PDE1C: variants seen among roughly 807,000 people sequenced by gnomAD.
The protein encoded by PDE1C is phosphodiesterase 1C, also known as dual specificity calcium/calmodulin-dependent 3',5'-cyclic nucleotide phosphodiesterase 1C.
Under a neutral mutation model 93.1 loss-of-function variants are expected in PDE1C, and 62 were observed. The ratio of observed to expected loss-of-function variants is 0.67; its 90% CI spans 0.54 to 0.82. PDE1C has a LOEUF of 0.82. Ranked by LOEUF, PDE1C falls within the 40% of genes least tolerant of loss-of-function variation. PDE1C has a pLI of 0.00. For synonymous variants in PDE1C, 325 were observed against 310.1 expected, an observed-to-expected ratio of 1.05 and a Z score of -0.50; for missense variants, 742 against 884.6, an observed-to-expected ratio of 0.84 and a Z score of 2.04.
At chr7:31,746,682 T>C (rs1182258487), downstream of PDE1C, among the ~76,000 whole-genome samples, 1 of 152,198 alleles carries the variant, frequency 6.6e-6, no homozygotes, top group Non-Finnish European at 1.5e-5. Context: ...GTTTTAAACA[T>C]GAGAACACAG....
In PDE1C at chr7:32,341,173, CTTT is replaced by C. The variant is rs3079623; in HGVS notation, c.310+86646_310+86648del. Among the ~76,000 whole-genome samples the C allele has an allele frequency of 2.5e-4, 21 of 84,958 alleles. 1 individual carries two copies. The highest frequency in any genetic ancestry group is 6.9e-4 in the African/African-American group (16 of 23,022). 55.7% of individuals were successfully genotyped at this position (84,958 alleles called of 152,430 possible). On this transcript the variant is annotated intron_variant, in intron 1 of 1. Coordinates refer to the PDE1C transcript ENST00000672256. The stretch of plus-strand genomic sequence containing the variant: ...CCTAAAACTACTCTAGAAATAAAGT[CTTT>C]TTTTTTTTTTTTTTTTTGAGACGGA...
chr7:32,304,495 G>A (rs1052983076), intron 1 of PDE1C, among the ~76,000 whole-genome samples: 1 of 152,180 alleles, frequency 6.6e-6, no homozygotes, highest in African/African-American at 2.4e-5. Flanking sequence ...CTTTCTCTGT[G>A]ATGAGCTTTA....
chr7:31,833,124 T>G (rs763113457), intron 11 of PDE1C, among the ~76,000 whole-genome samples: 23 of 152,190 alleles, frequency 1.5e-4, no homozygotes, highest in African/African-American at 4.6e-4. Context: ...TCTCATGAGA[T>G]CTGATGGTTT....
At chr7:31,919,637 A>C (rs928946745) in intron 2 of PDE1C, among the ~76,000 whole-genome samples, 1 of 152,180 alleles carries the variant, frequency 6.6e-6, no homozygotes, top group African/African-American at 2.4e-5. Flanking sequence ...ACACGTAAAA[A>C]GAAACCAAAA....
At chr7:32,325,627 T>C (rs1229002403) in intron 1 of PDE1C, among the ~76,000 whole-genome samples, 1 of 152,248 alleles carries the variant, frequency 6.6e-6, no homozygotes, top group East Asian at 1.9e-4. Flanking sequence ...CACAGGTATA[T>C]GTAGCCTAAG....
intron 1 of PDE1C, among the ~76,000 whole-genome samples, chr7:32,293,958 A>T (rs1359249257): frequency 6.6e-6 from 1 of 152,132 alleles, no homozygotes; most frequent in East Asian, 1.9e-4. Flanking sequence ...GGGCTCAGAA[A>T]GTCGTCAACC....
At chr7:32,333,526 G>A (rs563017907) in intron 1 of PDE1C, among the ~76,000 whole-genome samples, 1 of 152,214 alleles carries the variant, frequency 6.6e-6, no homozygotes, top group African/African-American at 2.4e-5. Context: ...GTCACTGAGT[G>A]CTTAATTATA....
intron 17 of PDE1C, among the ~76,000 whole-genome samples, chr7:31,767,425 ACCT>A (rs1795214735): frequency 6.6e-6 from 1 of 151,720 alleles, no homozygotes; most frequent in Non-Finnish European, 1.5e-5. Flanking sequence ...AGTGTGCGGC[ACCT>A]CCTCCTGTTT....
At chr7:32,426,103 T>C (rs762526104) in intron 1 of PDE1C, among the ~76,000 whole-genome samples, 1 of 152,174 alleles carries the variant, frequency 6.6e-6, no homozygotes, top group African/African-American at 2.4e-5. Context: ...CTATATTAGG[T>C]GGACCATGAC....
At chr7:32,246,223 C>T (rs1357427969) in intron 1 of PDE1C, among the ~76,000 whole-genome samples, 1 of 152,072 alleles carries the variant, frequency 6.6e-6, no homozygotes, top group African/African-American at 2.4e-5. Context: ...CTTGCCTTGG[C>T]CCCCCAAAGT....
chr7:31,774,818 G>C (rs1795722043), intron 17 of PDE1C, among the ~76,000 whole-genome samples: 1 of 152,168 alleles, frequency 6.6e-6, no homozygotes, highest in Non-Finnish European at 1.5e-5. Context: ...ATAAAGACAG[G>C]AAGGAGAGGT....
At chr7:32,009,414 G>A (rs187924040) in intron 2 of PDE1C, among the ~76,000 whole-genome samples, 13 of 152,332 alleles carry the variant, frequency 8.5e-5, no homozygotes, top group Non-Finnish European at 1.9e-4. Flanking sequence ...AATCCCACTT[G>A]AGTATCCAGC....
intron 2 of PDE1C, among the ~76,000 whole-genome samples, chr7:32,205,837 C>T (rs1562577126): frequency 6.6e-6 from 1 of 152,122 alleles, no homozygotes; most frequent in African/African-American, 2.4e-5. Context: ...AGGTCTGCAG[C>T]TTCACCCCTG....
the PDE1C span, among the ~76,000 whole-genome samples, chr7:31,709,109 T>A: frequency 6.6e-6 from 1 of 152,198 alleles, no homozygotes; most frequent in Non-Finnish European, 1.5e-5. Context: ...CTTCATCCTA[T>A]CAGATTTGCT....
At chr7:31,966,703 T>G (rs961387716) in intron 2 of PDE1C, among the ~76,000 whole-genome samples, 17 of 152,304 alleles carry the variant, frequency 1.1e-4, no homozygotes, top group African/African-American at 4.1e-4. Flanking sequence ...GACCACATAG[T>G]TGGAAGTAAA....
rs535074814 is a variant in PDE1C at position 32,235,961 on chromosome 7, A to G, written c.86-26422T>C. Reference sequence around the variant, plus strand: ...GGGACAGACAAATAATCAACAGAACAGAATAGAAAGTCCAGAAAAAGACTT... The same window carrying G: ...GGGACAGACAAATAATCAACAGAACGGAATAGAAAGTCCAGAAAAAGACTT... On this transcript the variant is annotated intron_variant, in intron 1 of 18. Coordinates refer to the PDE1C transcript ENST00000396193. Among the ~76,000 whole-genome samples the G allele has an allele frequency of 2.0e-5, 3 of 152,266 alleles. No homozygotes were observed. In the South Asian group the frequency reaches 6.2e-4, roughly 32 times the overall value.
At chr7:32,103,053 G>A (rs1798114014) in intron 3 of PDE1C, among the ~76,000 whole-genome samples, 1 of 152,120 alleles carries the variant, frequency 6.6e-6, no homozygotes, top group Non-Finnish European at 1.5e-5. Flanking sequence ...GAATTCCTTG[G>A]GCTAAAAGCA....
Position 31,940,632 on chromosome 7 carries a change from G to A in PDE1C, c.129-59772C>T, listed in dbSNP as rs373670517. ...TGGGTGCCCTGAGGCATTTAGAAGA[G>A]TGATTATGAGGCAGAGCTTCCCTGA... On this transcript the variant is annotated intron_variant, in intron 2 of 17. Transcript: ENST00000396191. Among the ~76,000 whole-genome samples, 6 of 152,234 alleles carry A rather than the reference G, an allele frequency of 3.9e-5. 1 individual carries two copies. The highest frequency in any genetic ancestry group is 4.2e-4 in the South Asian group (2 of 4,816).
At chr7:31,725,828 A>G in the PDE1C span, among the ~76,000 whole-genome samples, 2 of 152,136 alleles carry the variant, frequency 1.3e-5, no homozygotes, top group Admixed American at 1.3e-4. Context: ...AATGCCTTCT[A>G]TTTTTTGGTT....
Sources: gnomAD v4.1 joint callset for allele counts (sites outside exome capture counted in the v4.1 genomes callset) on GRCh38, gnomAD v4.1.1 for gene constraint, MANE v1.5 for transcripts, NCBI Gene and HGNC (gene_info 2026-07-23, HGNC 2026-07-21) for gene names.